DLGAP2: variants seen among roughly 807,000 people sequenced by gnomAD.
DLGAP2 encodes DLG associated protein 2.
Under a neutral mutation model 100.3 loss-of-function variants are expected in DLGAP2, and 26 were observed. That is an observed-to-expected ratio of 0.26 (90% CI 0.19 to 0.36). The LOEUF (loss-of-function observed/expected upper bound fraction) is 0.36, where lower values mean the gene tolerates loss of function less well. DLGAP2 is among the 10% of genes least tolerant of loss of function. The probability of loss-of-function intolerance (pLI) is 1.00; values close to 1 mark genes in which losing one functional copy is unlikely to be tolerated. For missense variants in DLGAP2, 1,858 were observed against 1,453.2 expected, an observed-to-expected ratio of 1.28 and a Z score of -4.53; for synonymous variants, 886 against 630.1, an observed-to-expected ratio of 1.41 and a Z score of -6.08.
At chr8:1,636,629 T>C (rs1314423442) in intron 8 of DLGAP2, among the ~76,000 whole-genome samples, 1 of 152,232 alleles carries the variant, frequency 6.6e-6, no homozygotes, top group African/African-American at 2.4e-5. Flanking sequence ...AAAGACAGTG[T>C]TTTACTTAAT....
intron 1 of DLGAP2, among the ~76,000 whole-genome samples, chr8:856,454 C>A (rs987041343): frequency 6.6e-6 from 1 of 152,082 alleles, no homozygotes; most frequent in African/African-American, 2.4e-5. Context: ...TCCCATAGTG[C>A]TGGGATTACA....
intron 2 of DLGAP2, among the ~76,000 whole-genome samples, chr8:977,342 C>A (rs1463045641): frequency 6.6e-6 from 1 of 152,224 alleles, no homozygotes; most frequent in Non-Finnish European, 1.5e-5. Flanking sequence ...CTGAGGTGGA[C>A]ACATGCCTTT....
At chr8:1,549,953 C>A (rs1031224588) in intron 5 of DLGAP2, among the ~76,000 whole-genome samples, 4 of 152,224 alleles carry the variant, frequency 2.6e-5, no homozygotes, top group African/African-American at 9.6e-5. Flanking sequence ...AGTTACCGTG[C>A]TGGCCAACAG....
chr8:1,660,135 G>A (rs866018638), intron 8 of DLGAP2, among the ~76,000 whole-genome samples: 1 of 152,160 alleles, frequency 6.6e-6, no homozygotes, highest in East Asian at 1.9e-4. Flanking sequence ...GTGAAATTCT[G>A]GTTGAAAATT....
intron 2 of DLGAP2, among the ~76,000 whole-genome samples, chr8:948,320 G>T (rs1267184634): frequency 6.6e-6 from 1 of 152,222 alleles, no homozygotes; most frequent in Non-Finnish European, 1.5e-5. Flanking sequence ...CATGCGTGTC[G>T]CCTGCGGGCG....
At chr8:1,624,616 G>C (rs889631389) in intron 6 of DLGAP2, among the ~76,000 whole-genome samples, 1 of 151,884 alleles carries the variant, frequency 6.6e-6, no homozygotes, top group Non-Finnish European at 1.5e-5. Context: ...CAAGGTCAGG[G>C]ATCCGTGTTA....
At chr8:1,314,015 C>T (rs990788766) in intron 3 of DLGAP2, among the ~76,000 whole-genome samples, 1 of 152,112 alleles carries the variant, frequency 6.6e-6, no homozygotes, top group African/African-American at 2.4e-5. Flanking sequence ...TGATACGAAA[C>T]ACGTGTTTAT....
intron 4 of DLGAP2, among the ~76,000 whole-genome samples, chr8:1,535,519 G>T (rs1044981812): frequency 3.3e-5 from 5 of 152,202 alleles, no homozygotes; most frequent in Admixed American, 6.5e-5. Context: ...GCACAGACGT[G>T]TTCAAGCGGT....
At chr8:1,291,887 G>T (rs1011940530) in intron 3 of DLGAP2, among the ~76,000 whole-genome samples, 10 of 152,128 alleles carry the variant, frequency 6.6e-5, no homozygotes, top group African/African-American at 2.4e-4. Flanking sequence ...CTCCAGTCTT[G>T]CCCTTGACTA....
intron 3 of DLGAP2, among the ~76,000 whole-genome samples, chr8:1,350,185 G>A (rs1481867328): frequency 3.3e-5 from 5 of 150,872 alleles, no homozygotes; most frequent in Admixed American, 6.6e-5. Context: ...TGGAAAGGCC[G>A]CGCGGGTCCT....
intron 3 of DLGAP2, among the ~76,000 whole-genome samples, chr8:1,452,367 C>T (rs1798187255): frequency 6.6e-6 from 1 of 152,260 alleles, no homozygotes; most frequent in African/African-American, 2.4e-5. Context: ...CAGCACCAAA[C>T]ATCAGCCCTG....
chr8:1,604,535 C>T (rs1407260973), intron 6 of DLGAP2: 1 of 152,264 alleles, frequency 6.6e-6, no homozygotes, highest in Non-Finnish European at 1.5e-5. Flanking sequence ...ATCAACATTA[C>T]ATGCAAGCAC....
intron 6 of DLGAP2, among the ~76,000 whole-genome samples, chr8:1,606,026 A>C (rs1332524583): frequency 6.6e-6 from 1 of 152,232 alleles, no homozygotes; most frequent in African/African-American, 2.4e-5. Context: ...GCACCAAATC[A>C]GAGGCGAAGA....
At chr8:1,593,181 G>A (rs200076045) in intron 6 of DLGAP2, among the ~76,000 whole-genome samples, 10 of 152,098 alleles carry the variant, frequency 6.6e-5, no homozygotes, top group Admixed American at 2.0e-4. Context: ...TAGGCCTGGC[G>A]TGGTGGCTCA....
intron 3 of DLGAP2, among the ~76,000 whole-genome samples, chr8:1,372,153 T>G (rs1187687799): frequency 2.0e-5 from 3 of 151,816 alleles, no homozygotes; most frequent in Non-Finnish European, 2.9e-5. Context: ...GGTGATAGGG[T>G]GGGTGGGGCG....
At chr8:995,229 G>C (rs968414670) in intron 2 of DLGAP2, among the ~76,000 whole-genome samples, 4 of 152,128 alleles carry the variant, frequency 2.6e-5, no homozygotes, top group Non-Finnish European at 4.4e-5. Flanking sequence ...CAACTGTTTT[G>C]TGGGAGGAAG....
intron 3 of DLGAP2, among the ~76,000 whole-genome samples, chr8:1,359,953 C>G (rs1050561132): frequency 6.6e-6 from 1 of 152,198 alleles, no homozygotes. Context: ...GTCCTGAGTT[C>G]GTGGACGAGT....
chr8:1,356,843 A>G (rs1801864245), intron 3 of DLGAP2, among the ~76,000 whole-genome samples: 1 of 152,196 alleles, frequency 6.6e-6, no homozygotes, highest in Non-Finnish European at 1.5e-5. Context: ...ACACTACAGT[A>G]AGGATAACAG....
At chr8:1,687,468 T>A (rs1300958610) in intron 12 of DLGAP2, among the ~76,000 whole-genome samples, 1 of 152,188 alleles carries the variant, frequency 6.6e-6, no homozygotes, top group East Asian at 1.9e-4. Context: ...CTTCAACTTC[T>A]TTGCAATTAT....
Sources: allele counts gnomAD v4.1 joint callset (sites outside exome capture counted in the v4.1 genomes callset), GRCh38; gene constraint gnomAD v4.1.1; transcripts MANE v1.5; gene names NCBI Gene and HGNC (gene_info 2026-07-23, HGNC 2026-07-21).